Variants in IL1RAPL2 observed in about 807,000 individuals in gnomAD.
The protein encoded by IL1RAPL2 is X-linked interleukin-1 receptor accessory protein-like 2.
IL1RAPL2 carries 3 observed loss-of-function variants against 44.1 expected under a neutral mutation model. That is an observed-to-expected ratio of 0.07 (90% CI 0.03 to 0.18). The LOEUF is 0.18. Among genes scored for constraint, IL1RAPL2 ranks in the 10% least tolerant of loss-of-function variants. IL1RAPL2 has a pLI of 1.00. For synonymous variants in IL1RAPL2, 181 were observed against 178.8 expected, an observed-to-expected ratio of 1.01 and a Z score of -0.10; for missense variants, 391 against 496.4, an observed-to-expected ratio of 0.79 and a Z score of 2.02.
intron 3 of IL1RAPL2, among the ~76,000 whole-genome samples, chrX:105,225,714 G>A (rs1556188050): frequency 9.4e-6 from 1 of 106,738 alleles, no homozygotes; most frequent in African/African-American, 3.4e-5. Flanking sequence ...CTGAGACAGA[G>A]TCTCCTCTGT....
chrX:105,022,996 T>C (rs1422418251), intron 2 of IL1RAPL2, among the ~76,000 whole-genome samples: 1 of 110,897 alleles, frequency 9.0e-6, no homozygotes, highest in Non-Finnish European at 1.9e-5. Context: ...AGGCACTAGA[T>C]GAAAGAGAAA....
At chrX:105,489,657 C>T (rs950822077) in intron 6 of IL1RAPL2, among the ~76,000 whole-genome samples, 6 of 109,687 alleles carry the variant, frequency 5.5e-5, no homozygotes, top group East Asian at 5.8e-4. Flanking sequence ...TTCCTTCCTT[C>T]CTTTCTTTCT....
chrX:104,797,964 C>T (rs1312852198), intron 2 of IL1RAPL2, among the ~76,000 whole-genome samples: 5 of 111,805 alleles, frequency 4.5e-5, no homozygotes, highest in Admixed American at 9.5e-5. Context: ...ATAAAAATGA[C>T]CCAGCAAGAT....
intron 2 of IL1RAPL2, among the ~76,000 whole-genome samples, chrX:105,041,129 G>C (rs1310718930): frequency 9.2e-6 from 1 of 108,176 alleles, no homozygotes; most frequent in African/African-American, 3.4e-5. Context: ...CCTTCATTTC[G>C]TTATGTACCC....
chrX:105,693,305 T>C (rs2038050854), intron 6 of IL1RAPL2, among the ~76,000 whole-genome samples: 1 of 111,965 alleles, frequency 8.9e-6, no homozygotes, highest in Non-Finnish European at 1.9e-5. Context: ...GAGGTGGGCC[T>C]GGTGGCAGGT....
At chrX:105,218,816 G>GT (rs1254922135) in intron 3 of IL1RAPL2, 1 of 486,128 alleles carries the variant, frequency 2.1e-6, no homozygotes, top group Admixed American at 3.8e-5. Flanking sequence ...GAAGTTATTC[G>GT]TAAAGGTACC....
chrX:104,860,140 G>A (rs2147646788), intron 2 of IL1RAPL2, among the ~76,000 whole-genome samples: 1 of 111,720 alleles, frequency 9.0e-6, no homozygotes, highest in South Asian at 3.7e-4. Context: ...TCAGGACCAA[G>A]GACTGTCACT....
At chrX:105,482,208 G>T (rs1168041740) in intron 5 of IL1RAPL2, among the ~76,000 whole-genome samples, 2 of 111,786 alleles carry the variant, frequency 1.8e-5, no homozygotes, top group African/African-American at 3.2e-5. Flanking sequence ...AATTGAGGTT[G>T]TTTCCAATAT....
chrX:105,202,217 G>C (rs2033723489), intron 3 of IL1RAPL2, among the ~76,000 whole-genome samples: 1 of 112,316 alleles, frequency 8.9e-6, no homozygotes, highest in Non-Finnish European at 1.9e-5. Flanking sequence ...TTAGTCAGCA[G>C]GAGTACCTGC....
At position 105,078,524 on chromosome X, in the gene IL1RAPL2, G is replaced by A. The variant is rs1170076607; in HGVS notation, c.83-116951G>A. 2.0e-4 allele frequency among the ~76,000 whole-genome samples: 23 copies of A among 112,293 alleles called. 1 individual carries two copies. The highest frequency in any genetic ancestry group is 4.3e-4 in the Non-Finnish European group (23 of 53,231). ...CAGTCTGCCCGTTCTCAGATCTCCA[G>A]CTGCATGCTGGGAGAACCACTACTC... On this transcript the variant is annotated intron_variant, in intron 2 of 10. Transcript: ENST00000372582.
At chrX:104,636,348 G>A (rs1321733734) in intron 1 of IL1RAPL2, among the ~76,000 whole-genome samples, 1 of 112,173 alleles carries the variant, frequency 8.9e-6, no homozygotes, top group Non-Finnish European at 1.9e-5. Flanking sequence ...CGTGCTGGGA[G>A]AACCACTACT....
At chrX:105,240,301 G>A (rs1477980325) in intron 4 of IL1RAPL2, among the ~76,000 whole-genome samples, 1 of 112,434 alleles carries the variant, frequency 8.9e-6, no homozygotes, top group Non-Finnish European at 1.9e-5. Flanking sequence ...GATAACTGAT[G>A]GGTTATCATA....
At chrX:105,074,016 C>A (rs755354878) in intron 2 of IL1RAPL2, among the ~76,000 whole-genome samples, 1 of 111,514 alleles carries the variant, frequency 9.0e-6, no homozygotes, top group African/African-American at 3.3e-5. Context: ...ATGGTGGTTT[C>A]TTTTGCTGTG....
intron 2 of IL1RAPL2, among the ~76,000 whole-genome samples, chrX:104,772,723 G>T (rs1374523436): frequency 9.0e-6 from 1 of 111,523 alleles, no homozygotes; most frequent in African/African-American, 3.3e-5. Flanking sequence ...CTAGACCATA[G>T]ACAAATGGGA....
chrX:105,042,089 A>G (rs1262135335), intron 2 of IL1RAPL2, among the ~76,000 whole-genome samples: 1 of 111,642 alleles, frequency 9.0e-6, no homozygotes, highest in Non-Finnish European at 1.9e-5. Flanking sequence ...AGATGGATTA[A>G]AGACTTACAT....
At chrX:104,992,788 A>G (rs920908383) in intron 2 of IL1RAPL2, among the ~76,000 whole-genome samples, 3 of 111,124 alleles carry the variant, frequency 2.7e-5, no homozygotes, top group African/African-American at 9.9e-5. Context: ...TTCAATTTTC[A>G]TTTATAATTG....
chrX:105,010,834 T>C (rs1209308212), intron 2 of IL1RAPL2, among the ~76,000 whole-genome samples: 1 of 111,392 alleles, frequency 9.0e-6, no homozygotes, highest in Non-Finnish European at 1.9e-5. Flanking sequence ...TTCAAAGCAA[T>C]TTCTGACCAT....
chrX:105,522,145 T>C (rs2036563400), intron 6 of IL1RAPL2, among the ~76,000 whole-genome samples: 1 of 112,010 alleles, frequency 8.9e-6, no homozygotes, highest in East Asian at 2.8e-4. Flanking sequence ...GGCTTTATTC[T>C]GTGACTATGG....
At chrX:105,732,729 T>C (rs763373910) in intron 7 of IL1RAPL2, among the ~76,000 whole-genome samples, 1 of 111,891 alleles carries the variant, frequency 8.9e-6, no homozygotes, top group Non-Finnish European at 1.9e-5. Context: ...AATACATTTC[T>C]AACTAATCTA....
Sources: allele counts gnomAD v4.1 joint callset (sites outside exome capture counted in the v4.1 genomes callset), GRCh38; gene constraint gnomAD v4.1.1; transcripts MANE v1.5; gene names NCBI Gene and HGNC (gene_info 2026-07-23, HGNC 2026-07-21).